TGFBR2: variants seen among roughly 807,000 people sequenced by gnomAD.
TGFBR2 encodes TGF-beta receptor type-2.
In TGFBR2, 18 loss-of-function variants were observed where a neutral mutation model predicts 49.0. The observed-to-expected ratio is 0.37, with a 90% confidence interval of 0.25 to 0.54. The LOEUF is 0.54. Ranked by LOEUF, TGFBR2 falls within the 20% of genes least tolerant of loss-of-function variation. The probability of loss-of-function intolerance (pLI) is 0.85; values close to 1 mark genes in which losing one functional copy is unlikely to be tolerated. For synonymous variants in TGFBR2, 282 were observed against 275.9 expected, an observed-to-expected ratio of 1.02 and a Z score of -0.22; for missense variants, 525 against 722.6, an observed-to-expected ratio of 0.73 and a Z score of 3.13.
chr3:30,659,424 C>A (rs1487753359), intron 3 of TGFBR2, among the ~76,000 whole-genome samples: 1 of 152,122 alleles, frequency 6.6e-6, no homozygotes, highest in Non-Finnish European at 1.5e-5. Context: ...GGCCCTATGT[C>A]TGGCCAAGGA....
chr3:30,635,596 G>A (rs1698513187), intron 1 of TGFBR2, among the ~76,000 whole-genome samples: 1 of 152,106 alleles, frequency 6.6e-6, no homozygotes, highest in South Asian at 2.1e-4. Context: ...TCATTCCGTA[G>A]AAGACTAAAA....
Position 30,650,341 on chromosome 3 carries a change from T to C in TGFBR2, c.335T>C (p.Ile112Thr). Residue 112 changes from isoleucine (I) to threonine (T), a missense_variant, in exon 3 of 7, where the codon ATT (isoleucine) becomes ACT (threonine). Transcript: ENST00000295754. ...HDPKLPYHDFILEDAASPKCI... is the reference protein window; with the variant it reads ...HDPKLPYHDFTLEDAASPKCI... ...CCCAAGCTCCCCTACCATGACTTTA[T>C]TCTGGAAGATGCTGCTTCTCCAAAG... is the stretch of plus-strand genomic sequence containing the variant. 1.9e-6 allele frequency: 3 copies of C among 1,614,076 alleles called. No individual in the cohort carries two copies. The South Asian group carries it at 3.3e-5, about 18-fold the overall frequency.
chr3:30,665,662 A>G (rs1045868893), intron 3 of TGFBR2, among the ~76,000 whole-genome samples: 3 of 152,108 alleles, frequency 2.0e-5, no homozygotes, highest in Non-Finnish European at 2.9e-5. Flanking sequence ...CTAGTTACCA[A>G]CTTCCTAGAG....
rs1193104700 is a variant in TGFBR2, at chr3:30,607,793, T to TAA, written c.94+822_94+823dup. Reference sequence around the variant, plus strand: ...AAGGTTTTTAAGGAAAAAATAAAAATAAAAAAATATATATATATATTATAT... The same window carrying TAA: ...AAGGTTTTTAAGGAAAAAATAAAAATAAAAAAAAATATATATATATATTATAT... On this transcript the variant is annotated intron_variant, in intron 1 of 6. Transcript: ENST00000295754. Among the ~76,000 whole-genome samples the TAA allele has an allele frequency of 7.9e-4, 106 of 134,674 alleles. 1 individual carries two copies. Among genetic ancestry groups the TAA allele is most frequent in the African/African-American group, 3.3e-3 (105 of 32,232 alleles). The allele number at this position is 134,674 out of a possible 152,430, so 88.4% of individuals were successfully genotyped here. A position where few individuals can be genotyped will look rare whatever the true frequency, so the allele number is the denominator to read the frequency against.
At chr3:30,679,017 A>T (rs565820643) in intron 5 of TGFBR2, among the ~76,000 whole-genome samples, 1 of 152,350 alleles carries the variant, frequency 6.6e-6, no homozygotes, top group Non-Finnish European at 1.5e-5. Flanking sequence ...AAACATGGAT[A>T]TTAAGGCTCC....
intron 1 of TGFBR2, among the ~76,000 whole-genome samples, chr3:30,608,926 A>G (rs922735052): frequency 1.3e-5 from 2 of 152,222 alleles, no homozygotes; most frequent in Non-Finnish European, 2.9e-5. Flanking sequence ...CTTTTGTTCC[A>G]GATTATAAAA....
In TGFBR2 at chr3:30,636,333, G is replaced by A. The variant is rs562071189; in HGVS notation, c.95-8414G>A. Among the ~76,000 whole-genome samples, 8 of 152,118 alleles carry A rather than the reference G, an allele frequency of 5.3e-5. No individual in the cohort carries two copies. The East Asian group carries it at 1.5e-3, about 29-fold the overall frequency. ...TTGACAGGTTTTAAAAACTATATTA[G>A]TATTACAAAAACATGTGCATGAAAA... On this transcript the variant is annotated intron_variant, in intron 1 of 6. Transcript: ENST00000295754.
intron 4 of TGFBR2, among the ~76,000 whole-genome samples, chr3:30,673,197 A>G (rs1007257572): frequency 1.3e-5 from 2 of 152,208 alleles, no homozygotes; most frequent in African/African-American, 4.8e-5. Flanking sequence ...TGAGGTAAAC[A>G]TCGAAATATG....
intron 1 of TGFBR2, among the ~76,000 whole-genome samples, chr3:30,628,225 G>A (rs1698370921): frequency 6.6e-6 from 1 of 151,894 alleles, no homozygotes; most frequent in East Asian, 1.9e-4. Context: ...GCATGGAGTG[G>A]TAGGGATTAT....
chr3:30,628,314 T>C (rs1304917402), intron 1 of TGFBR2, among the ~76,000 whole-genome samples: 1 of 152,076 alleles, frequency 6.6e-6, no homozygotes, highest in Non-Finnish European at 1.5e-5. Context: ...AGGAGAAAAC[T>C]TGCCCTGAAG....
intron 2 of TGFBR2, among the ~76,000 whole-genome samples, chr3:30,646,622 A>G (rs1014411373): frequency 1.3e-5 from 2 of 152,208 alleles, no homozygotes; most frequent in African/African-American, 2.4e-5. Flanking sequence ...TGGTTTCCCA[A>G]CAGCAGAACA....
At chr3:30,648,462 A>AC (rs71786414) in intron 2 of TGFBR2, among the ~76,000 whole-genome samples, 16 of 149,858 alleles carry the variant, frequency 1.1e-4, no homozygotes, top group Non-Finnish European at 1.9e-4. Context: ...ACACACACAC[A>AC]AAACTGTGGG....
intron 5 of TGFBR2, among the ~76,000 whole-genome samples, chr3:30,683,936 C>G (rs1483012341): frequency 6.6e-6 from 1 of 152,206 alleles, no homozygotes; most frequent in African/African-American, 2.4e-5. Context: ...TGCTTTCTAA[C>G]CTCCTCTCGC....
chr3:30,682,540 G>A (rs921000997), intron 5 of TGFBR2, among the ~76,000 whole-genome samples: 3 of 152,134 alleles, frequency 2.0e-5, no homozygotes, highest in Non-Finnish European at 4.4e-5. Flanking sequence ...ACAAGAGAGA[G>A]GCCCAAGGTC....
At chr3:30,644,687 T>A (rs1233021895) in intron 1 of TGFBR2, 60 bp from the exon 2 acceptor site, 6 of 1,527,184 alleles carry the variant, frequency 3.9e-6, no homozygotes, top group Non-Finnish European at 5.4e-6. Flanking sequence ...TCTTCAGGAA[T>A]TCATTGGCAG....
chr3:30,613,550 G>A (rs1008722298), intron 1 of TGFBR2, among the ~76,000 whole-genome samples: 1 of 142,846 alleles, frequency 7.0e-6, no homozygotes, highest in Non-Finnish European at 1.5e-5. Context: ...GAGAGAGAGA[G>A]AAAGAGAGAG....
In TGFBR2 at chr3:30,642,476, G is replaced by A. The variant is rs1575142653; in HGVS notation, c.95-2271G>A. On this transcript the variant is annotated intron_variant, in intron 1 of 6. Coordinates refer to ENST00000295754, the MANE Select transcript of TGFBR2 (RefSeq NM_003242.6). ...AAATTAAATCAGACTATCTGGGAGT[G>A]GGACCCCTTCAGTATTTTTTAAATT... is the stretch of plus-strand genomic sequence containing the variant. Among the ~76,000 whole-genome samples, 4 of 152,274 alleles carry A rather than the reference G, an allele frequency of 2.6e-5. No individual in the cohort carries two copies. The South Asian group carries it at 8.3e-4, about 32-fold the overall frequency.
intron 1 of TGFBR2, among the ~76,000 whole-genome samples, chr3:30,623,044 T>C (rs1357520027): frequency 1.3e-5 from 2 of 152,144 alleles, no homozygotes; most frequent in Admixed American, 1.3e-4. Context: ...CTGATAACTT[T>C]GAAGAAAACA....
In TGFBR2 at chr3:30,648,460, A is replaced by ACACACACCCACC. The variant is rs1553627538; in HGVS notation, c.264-1808_264-1807insCACACCCACCCA. On this transcript the variant is annotated intron_variant, in intron 2 of 6. Coordinates refer to ENST00000295754, the MANE Select transcript of TGFBR2 (RefSeq NM_003242.6). ...CACACACACACACACACACACACAC[A>ACACACACCCACC]CAAAACTGTGGGGGCAGGGAGGAAG... Among the ~76,000 whole-genome samples, 16 of 142,482 alleles carry ACACACACCCACC rather than the reference A, an allele frequency of 1.1e-4. No individual in the cohort carries two copies. In the East Asian group the frequency reaches 2.8e-3, roughly 25 times the overall value. 93.5% of individuals were successfully genotyped at this position (142,482 alleles called of 152,430 possible). A position where few individuals can be genotyped will look rare whatever the true frequency, so the allele number is the denominator to read the frequency against.
Sources: gnomAD v4.1 joint callset for allele counts (sites outside exome capture counted in the v4.1 genomes callset) on GRCh38, gnomAD v4.1.1 for gene constraint, MANE v1.5 for transcripts, NCBI Gene and HGNC (gene_info 2026-07-23, HGNC 2026-07-21) for gene names.